The following DPYD variants were observed in gnomAD, a reference collection of about 807,000 sequenced individuals.
The protein encoded by DPYD is dihydropyrimidine dehydrogenase [NADP(+)].
Under a neutral mutation model 116.2 loss-of-function variants are expected in DPYD, and 109 were observed. That is an observed-to-expected ratio of 0.94 (90% CI 0.80 to 1.10). The LOEUF (loss-of-function observed/expected upper bound fraction) is 1.10. DPYD is among the 50% of genes least tolerant of loss of function. The probability of loss-of-function intolerance (pLI) is 0.00; values close to 1 mark genes in which losing one functional copy is unlikely to be tolerated. For synonymous variants in DPYD, 440 were observed against 432.0 expected (o/e 1.02, Z -0.23); for missense variants, 1,302 against 1,254.5 (o/e 1.04, Z -0.57).
chr1:97,141,743 A>G (rs78489382), intron 20 of DPYD, among the ~76,000 whole-genome samples: 1,974 of 152,296 alleles, frequency 0.013, 20 homozygotes, highest in Non-Finnish European at 0.022. Flanking sequence ...CCAAGTGTCT[A>G]GAACAGTGGC....
intron 16 of DPYD, among the ~76,000 whole-genome samples, chr1:97,359,145 C>T (rs1205642067): frequency 6.6e-6 from 1 of 151,916 alleles, no homozygotes; most frequent in African/African-American, 2.4e-5. Flanking sequence ...AAAACCATGA[C>T]ACGAGAACTA....
chr1:97,203,132 A>C (rs933946983), intron 19 of DPYD, among the ~76,000 whole-genome samples: 24 of 152,066 alleles, frequency 1.6e-4, no homozygotes, highest in African/African-American at 4.8e-4. Context: ...GTTTCTCACC[A>C]TCAGGCTTTG....
intron 16 of DPYD, among the ~76,000 whole-genome samples, chr1:97,354,972 G>A (rs946406556): frequency 1.3e-5 from 2 of 152,084 alleles, no homozygotes; most frequent in African/African-American, 4.8e-5. Flanking sequence ...AGTTGATTGA[G>A]GAATGAATGT....
At chr1:97,306,333 T>C in intron 16 of DPYD, 36 bp from the exon 17 acceptor site, 1 of 1,611,056 alleles carries the variant, frequency 6.2e-7, no homozygotes, top group South Asian at 1.1e-5. Context: ...AGAACAAAAT[T>C]AAAGAATTGT....
chr1:97,215,844 C>A (rs1450631482), intron 19 of DPYD, among the ~76,000 whole-genome samples: 1 of 152,158 alleles, frequency 6.6e-6, no homozygotes, highest in Non-Finnish European at 1.5e-5. Context: ...CCTAAGCATT[C>A]TTTTTGCCTT....
intron 12 of DPYD, among the ~76,000 whole-genome samples, chr1:97,541,834 G>A (rs947998933): frequency 2.6e-5 from 4 of 151,744 alleles, no homozygotes; most frequent in African/African-American, 9.7e-5. Flanking sequence ...CTTTCTTTAG[G>A]TACACTGTCA....
At chr1:97,423,707 A>G (rs1294414983) in intron 14 of DPYD, among the ~76,000 whole-genome samples, 3 of 152,096 alleles carry the variant, frequency 2.0e-5, no homozygotes, top group African/African-American at 7.2e-5. Context: ...GCATTCAGAC[A>G]ATTGAATCAC....
intron 13 of DPYD, among the ~76,000 whole-genome samples, chr1:97,513,584 C>T (rs1347590424): frequency 6.8e-6 from 1 of 148,036 alleles, no homozygotes; most frequent in Non-Finnish European, 1.5e-5. Flanking sequence ...TAAATAGATT[C>T]TTCAATTGCC....
At chr1:97,183,999 T>A (rs1267593832) in intron 20 of DPYD, among the ~76,000 whole-genome samples, 1 of 152,140 alleles carries the variant, frequency 6.6e-6, no homozygotes, top group Non-Finnish European at 1.5e-5. Flanking sequence ...CTCCCACTTA[T>A]GAGTGACAAA....
chr1:97,838,820 C>G (rs1350116381), intron 2 of DPYD, among the ~76,000 whole-genome samples: 5 of 151,904 alleles, frequency 3.3e-5, no homozygotes, highest in African/African-American at 1.2e-4. Context: ...AGTCCGCAGT[C>G]CGGCCTGGGC....
intron 10 of DPYD, among the ~76,000 whole-genome samples, chr1:97,585,477 G>C (rs1654027649): frequency 6.6e-6 from 1 of 152,028 alleles, no homozygotes; most frequent in Admixed American, 6.5e-5. Context: ...CCAAGGATCT[G>C]TATATGTTTA....
chr1:97,896,121 A>G (rs540476418), intron 1 of DPYD, among the ~76,000 whole-genome samples: 1 of 151,896 alleles, frequency 6.6e-6, no homozygotes, highest in South Asian at 2.1e-4. Context: ...TAGAGTTGGA[A>G]TGGACTCTTA....
intron 16 of DPYD, among the ~76,000 whole-genome samples, chr1:97,371,083 T>A (rs1198251555): frequency 1.3e-5 from 2 of 152,162 alleles, no homozygotes; most frequent in Non-Finnish European, 1.5e-5. Flanking sequence ...TATATATGTA[T>A]ATATATCAGT....
intron 2 of DPYD, among the ~76,000 whole-genome samples, chr1:97,858,049 G>A (rs1400183069): frequency 6.6e-6 from 1 of 151,952 alleles, no homozygotes; most frequent in East Asian, 1.9e-4. Flanking sequence ...TGAAACATAA[G>A]TTGATCCTCT....
At chr1:97,432,107 C>T (rs973030060) in intron 14 of DPYD, among the ~76,000 whole-genome samples, 1 of 152,040 alleles carries the variant, frequency 6.6e-6, no homozygotes, top group Non-Finnish European at 1.5e-5. Flanking sequence ...TCCATTCATC[C>T]ATTGATGGAC....
chr1:97,705,151 C>T (rs141281510), intron 5 of DPYD, among the ~76,000 whole-genome samples: 86 of 151,496 alleles, frequency 5.7e-4, no homozygotes, highest in African/African-American at 2.0e-3. Context: ...TTAAATTATA[C>T]TTTAAGTTTT....
intron 10 of DPYD, among the ~76,000 whole-genome samples, chr1:97,574,843 T>C (rs1227665962): frequency 3.3e-5 from 5 of 152,162 alleles, no homozygotes. Context: ...TTATTTTCCT[T>C]CACTCTGAAA....
chr1:97,862,646 G>C (rs1671177593), intron 2 of DPYD, among the ~76,000 whole-genome samples: 1 of 151,802 alleles, frequency 6.6e-6, no homozygotes, highest in African/African-American at 2.4e-5. Context: ...TGTTCAAACA[G>C]AGACCTGACA....
At chr1:97,835,808 A>G (rs1408443709) in intron 2 of DPYD, among the ~76,000 whole-genome samples, 2 of 152,248 alleles carry the variant, frequency 1.3e-5, no homozygotes, top group Admixed American at 6.5e-5. Context: ...ATTGATATTT[A>G]CTATTTTGGA....
Sources: allele counts gnomAD v4.1 joint callset (sites outside exome capture counted in the v4.1 genomes callset), GRCh38; gene constraint gnomAD v4.1.1; transcripts MANE v1.5; gene names NCBI Gene and HGNC (gene_info 2026-07-23, HGNC 2026-07-21).